The following ELOVL4 variants were observed in gnomAD, a reference collection of about 807,000 sequenced individuals.
ELOVL4 encodes the protein ELOVL fatty acid elongase 4.
In ELOVL4, 18 loss-of-function variants were observed where a neutral mutation model predicts 42.1. That is an observed-to-expected ratio of 0.43 (90% CI 0.30 to 0.63). ELOVL4 has a LOEUF of 0.63. Among genes scored for constraint, ELOVL4 ranks in the 30% least tolerant of loss-of-function variants. The pLI is 0.15. For missense variants in ELOVL4, 299 were observed against 376.2 expected (o/e 0.79, Z 1.70); for synonymous variants, 117 against 127.0 (o/e 0.92, Z 0.53).
intron 1 of ELOVL4, 104 bp from the exon 2 acceptor site, chr6:79,926,485 T>A: frequency 8.8e-7 from 1 of 1,130,110 alleles, no homozygotes; most frequent in Non-Finnish European, 1.3e-6. Flanking sequence ...CTAATTTGAC[T>A]AAATACGGAT....
At chr6:79,934,883 A>T (rs1774517207) in intron 1 of ELOVL4, among the ~76,000 whole-genome samples, 1 of 152,208 alleles carries the variant, frequency 6.6e-6, no homozygotes, top group African/African-American at 2.4e-5. Context: ...GAGAAAAGTT[A>T]AACCAAATTA....
chr6:79,926,596 T>C (rs1023628778), intron 1 of ELOVL4, among the ~76,000 whole-genome samples: 2 of 152,224 alleles, frequency 1.3e-5, no homozygotes, highest in African/African-American at 4.8e-5. Context: ...TCATTACTTA[T>C]GTCACACATT....
intron 1 of ELOVL4, among the ~76,000 whole-genome samples, chr6:79,929,446 G>T (rs2127700045): frequency 6.6e-6 from 1 of 152,168 alleles, no homozygotes; most frequent in Non-Finnish European, 1.5e-5. Flanking sequence ...TTGTCATGCT[G>T]CCTAGGCTGG....
At chr6:79,935,587 G>C (rs1774528335) in intron 1 of ELOVL4, among the ~76,000 whole-genome samples, 1 of 152,104 alleles carries the variant, frequency 6.6e-6, no homozygotes, top group Non-Finnish European at 1.5e-5. Flanking sequence ...CTGAAACTCA[G>C]AGCCACTATT....
At chr6:79,926,098 T>C (rs1774338130) in intron 2 of ELOVL4, 96 bp downstream of exon 2, 2 of 1,125,078 alleles carry the variant, frequency 1.8e-6, no homozygotes, top group East Asian at 2.5e-5. Context: ...CTAACAGTTA[T>C]GTCTGGGTAA....
At chr6:79,926,516 C>T in intron 1 of ELOVL4, 135 bp from the exon 2 acceptor site, 2 of 834,512 alleles carry the variant, frequency 2.4e-6, no homozygotes, top group Admixed American at 2.7e-5. Context: ...TGAGTCCCAA[C>T]AAAAAATACA....
Position 79,926,356 on chromosome 6 carries a change from C to T in ELOVL4, c.126G>A (p.Leu42=), listed in dbSNP as rs1476191115. The change falls in exon 2 of 6, where the codon CTG becomes CTA. Residue 42 remains leucine (L), a synonymous_variant. Coordinates refer to ENST00000369816, the MANE Select transcript of ELOVL4 (RefSeq NM_022726.4). Reference sequence around the variant, plus strand: ...TTAGTGTAGGCCAAGGAGACTGCATCAGAGGCCAATTTTCCACACGCTTAT... The same window carrying T: ...TTAGTGTAGGCCAAGGAGACTGCATTAGAGGCCAATTTTCCACACGCTTAT... ...IADKRVENWP[L]MQSPWPTLSI... 5 of 1,613,920 alleles carry T rather than the reference C, an allele frequency of 3.1e-6. No homozygotes were observed. Among genetic ancestry groups the T allele is most frequent in the Non-Finnish European group, 4.2e-6 (5 of 1,179,920 alleles).
intron 1 of ELOVL4, among the ~76,000 whole-genome samples, chr6:79,934,406 A>G (rs1774509053): frequency 6.6e-6 from 1 of 152,146 alleles, no homozygotes; most frequent in African/African-American, 2.4e-5. Context: ...TAATGAGGAA[A>G]TAGTTACTTC....
rs185730504 is a variant in ELOVL4, at chr6:79,921,862, T to G, written c.370-66A>C. 37 of 1,466,562 alleles carry G rather than the reference T, an allele frequency of 2.5e-5. No individual in the cohort carries two copies. In the Admixed American group the frequency reaches 4.1e-4, roughly 16 times the overall value. 90.8% of individuals were successfully genotyped at this position (1,466,562 alleles called of 1,614,324 possible). A position where few individuals can be genotyped will look rare whatever the true frequency, so the allele number is the denominator to read the frequency against. On this transcript the variant is annotated intron_variant, in intron 3 of 5. Transcript: ENST00000369816. The stretch of plus-strand genomic sequence containing the variant: ...CTATTGTATGGGTTTATACTCATTG[T>G]AAGTAAGTCCAAAATAAACATTTGT...
chr6:79,930,502 A>T (rs1277309756), intron 1 of ELOVL4, among the ~76,000 whole-genome samples: 1 of 152,178 alleles, frequency 6.6e-6, no homozygotes, highest in Admixed American at 6.5e-5. Flanking sequence ...TTCTGCATGT[A>T]TTTGCATTAA....
rs1774775387 is a variant in ELOVL4 at position 79,947,551 on chromosome 6, TG to T, written c.-273del. The T allele has an allele frequency of 9.4e-6, 4 of 424,104 alleles. No homozygotes were observed. The highest frequency in any genetic ancestry group is 7.7e-5 in the Admixed American group (2 of 25,998). 26.3% of individuals were successfully genotyped at this position (424,104 alleles called of 1,614,324 possible). A position where few individuals can be genotyped will look rare whatever the true frequency, so the allele number is the denominator to read the frequency against. On this transcript the variant is annotated 5_prime_UTR_variant, in exon 1 of 6. Transcript: ENST00000369816. Reference sequence around the variant, plus strand: ...GCCAGCACAGTGCGCTGCACCAGTCTGCAGCCTCGCGCAGCCGCCCCTCCAA... The same window carrying T: ...GCCAGCACAGTGCGCTGCACCAGTCTCAGCCTCGCGCAGCCGCCCCTCCAA...
intron 1 of ELOVL4, among the ~76,000 whole-genome samples, chr6:79,935,823 A>G (rs1774532396): frequency 6.6e-6 from 1 of 152,200 alleles, no homozygotes; most frequent in Non-Finnish European, 1.5e-5. Context: ...AACAGTACAC[A>G]GCAGTAGATT....
At chr6:79,944,715 T>C (rs1005343265) in intron 1 of ELOVL4, among the ~76,000 whole-genome samples, 7 of 152,156 alleles carry the variant, frequency 4.6e-5, no homozygotes, top group Non-Finnish European at 8.8e-5. Flanking sequence ...AGCATGTAAC[T>C]ACAGCACTAG....
At position 79,918,121 on chromosome 6, in the gene ELOVL4, T is replaced by C. The variant is rs145605389; in HGVS notation, c.670-1238A>G. On this transcript the variant is annotated intron_variant, in intron 5 of 5. Coordinates refer to ENST00000369816, the MANE Select transcript of ELOVL4 (RefSeq NM_022726.4). ...TGTGGTTTCTCTTTTAAGGATAGCA[T>C]TGTTCTTAAAATATTAATTATTGAT... is the stretch of plus-strand genomic sequence containing the variant. 2.0e-4 allele frequency among the ~76,000 whole-genome samples: 31 copies of C among 152,286 alleles called. No homozygotes were observed. In the East Asian group the frequency reaches 6.0e-3, roughly 29 times the overall value.
intron 1 of ELOVL4, among the ~76,000 whole-genome samples, chr6:79,936,429 C>G (rs952945808): frequency 2.6e-5 from 4 of 152,210 alleles, no homozygotes; most frequent in Non-Finnish European, 5.9e-5. Context: ...ACACTGTACA[C>G]TGCAAGTACC....
chr6:79,932,067 T>C (rs1774454812), intron 1 of ELOVL4, among the ~76,000 whole-genome samples: 1 of 152,166 alleles, frequency 6.6e-6, no homozygotes, highest in Non-Finnish European at 1.5e-5. Flanking sequence ...GTAATGAAAA[T>C]ATTTTGAGAC....
intron 1 of ELOVL4, among the ~76,000 whole-genome samples, chr6:79,933,177 T>C (rs1165811428): frequency 6.6e-6 from 1 of 152,132 alleles, no homozygotes; most frequent in Non-Finnish European, 1.5e-5. Flanking sequence ...ACACTGAGGA[T>C]GCTGGAATTT....
chr6:79,927,354 C>T (rs184672), intron 1 of ELOVL4, among the ~76,000 whole-genome samples: 10,877 of 151,980 alleles, frequency 0.072, 1,261 homozygotes, highest in African/African-American at 0.25. Context: ...CATTTTATGT[C>T]GTATTTTGAA....
chr6:79,938,110 AG>A (rs1774578331), intron 1 of ELOVL4, among the ~76,000 whole-genome samples: 2 of 152,248 alleles, frequency 1.3e-5, no homozygotes, highest in Admixed American at 6.5e-5. Flanking sequence ...GACAATTTCA[AG>A]GGAGAAAATA....
Sources: gnomAD v4.1 joint callset for allele counts (sites outside exome capture counted in the v4.1 genomes callset) on GRCh38, gnomAD v4.1.1 for gene constraint, MANE v1.5 for transcripts, NCBI Gene and HGNC (gene_info 2026-07-23, HGNC 2026-07-21) for gene names.